GALNT17: variants seen among roughly 807,000 people sequenced by gnomAD.
GALNT17 encodes polypeptide N-acetylgalactosaminyltransferase 17.
GALNT17 carries 29 observed loss-of-function variants against 63.7 expected under a neutral mutation model. The observed-to-expected ratio is 0.46, with a 90% confidence interval of 0.34 to 0.62. The LOEUF (loss-of-function observed/expected upper bound fraction) is 0.62. Ranked by LOEUF, GALNT17 falls within the 20% of genes least tolerant of loss-of-function variation. The pLI, the probability that GALNT17 is intolerant of heterozygous loss-of-function variation, is 0.01. For missense variants in GALNT17, 603 were observed against 799.6 expected (o/e 0.75, Z 2.97); for synonymous variants, 305 against 318.3 (o/e 0.96, Z 0.45).
chr7:71,679,783 G>A (rs1012283529), intron 9 of GALNT17, among the ~76,000 whole-genome samples: 5 of 151,946 alleles, frequency 3.3e-5, no homozygotes, highest in African/African-American at 9.7e-5. Context: ...CCAAGGCTGC[G>A]ACAACACCAG....
At chr7:71,220,991 T>G (rs992072384) in intron 1 of GALNT17, among the ~76,000 whole-genome samples, 1 of 152,194 alleles carries the variant, frequency 6.6e-6, no homozygotes, top group Non-Finnish European at 1.5e-5. Context: ...GAGAGGAAAC[T>G]TCTAGTATTC....
chr7:71,426,921 C>T (rs759743983), intron 5 of GALNT17, among the ~76,000 whole-genome samples: 21 of 150,244 alleles, frequency 1.4e-4, no homozygotes, highest in Non-Finnish European at 2.2e-4. Flanking sequence ...CTCCAGACTC[C>T]GTCTCAAAAA....
intron 5 of GALNT17, among the ~76,000 whole-genome samples, chr7:71,469,026 G>A (rs572687403): frequency 4.6e-5 from 7 of 152,200 alleles, no homozygotes; most frequent in African/African-American, 9.6e-5. Flanking sequence ...AGTGACATGC[G>A]TGCTCTGATG....
chr7:71,644,228 A>C (rs10281339), intron 6 of GALNT17, among the ~76,000 whole-genome samples: 111,133 of 151,318 alleles, frequency 0.73, 40,943 homozygotes, highest in Middle Eastern at 0.85. Flanking sequence ...ATAGTGACAT[A>C]CCGATTCCAC....
At chr7:71,410,844 T>C (rs2906264) in intron 3 of GALNT17, among the ~76,000 whole-genome samples, 369 of 152,252 alleles carry the variant, frequency 2.4e-3, no homozygotes, top group African/African-American at 8.5e-3. Context: ...CAGTGTTCGC[T>C]TCTCCCCCTC....
chr7:71,675,990 A>C (rs1791144630), intron 8 of GALNT17, among the ~76,000 whole-genome samples: 1 of 152,126 alleles, frequency 6.6e-6, no homozygotes, highest in Non-Finnish European at 1.5e-5. Flanking sequence ...CTCTGTCCCA[A>C]AAAAAGAAAA....
chr7:71,522,696 A>G (rs1206599957), intron 5 of GALNT17, among the ~76,000 whole-genome samples: 1 of 152,124 alleles, frequency 6.6e-6, no homozygotes, highest in Non-Finnish European at 1.5e-5. Flanking sequence ...ATCACAGACC[A>G]CATCCACCAG....
intron 3 of GALNT17, among the ~76,000 whole-genome samples, chr7:71,406,524 AAACCCCCTAGGTTGC>A (rs1793331219): frequency 6.6e-6 from 1 of 152,168 alleles, no homozygotes; most frequent in Non-Finnish European, 1.5e-5. Context: ...GACAGATAAG[AAACCCCCTAGGTTGC>A]ATGAGCAGAA....
chr7:71,263,228 G>A (rs954957930), intron 1 of GALNT17, among the ~76,000 whole-genome samples: 17 of 151,914 alleles, frequency 1.1e-4, no homozygotes, highest in East Asian at 2.0e-4. Context: ...GTGTGGTGGC[G>A]GGTGCCTGTA....
chr7:71,257,028 G>T (rs1790302148), intron 1 of GALNT17, among the ~76,000 whole-genome samples: 1 of 152,124 alleles, frequency 6.6e-6, no homozygotes, highest in Non-Finnish European at 1.5e-5. Context: ...ATTCCTGCTG[G>T]GTGGCTGAGC....
At chr7:71,678,794 CA>C (rs71089973) in intron 9 of GALNT17, among the ~76,000 whole-genome samples, 131,193 of 136,178 alleles carry the variant, frequency 0.96, 63,220 homozygotes, top group Non-Finnish European at 0.99. Flanking sequence ...GACTCTGTCT[CA>C]AAAAAAAAAA....
At chr7:71,526,674 C>T (rs999578994) in intron 5 of GALNT17, among the ~76,000 whole-genome samples, 7 of 151,492 alleles carry the variant, frequency 4.6e-5, no homozygotes, top group African/African-American at 1.7e-4. Flanking sequence ...CATGTGCCCC[C>T]ACGCCTGACT....
Position 71,454,621 on chromosome 7 carries a change from G to T in GALNT17, c.962+33516G>T, listed in dbSNP as rs138228510. 2.5e-4 allele frequency among the ~76,000 whole-genome samples: 38 copies of T among 152,304 alleles called. 1 individual carries two copies. In the East Asian group the frequency reaches 7.2e-3, roughly 29 times the overall value. ...CAAAGGTAACAAGAATTTATGCTGA[G>T]TGGGGTGGCTAAATGTATGTATTTA... On this transcript the variant is annotated intron_variant, in intron 5 of 10. Transcript: ENST00000333538.
chr7:71,542,523 T>C (rs1367897714), intron 5 of GALNT17, among the ~76,000 whole-genome samples: 1 of 151,744 alleles, frequency 6.6e-6, no homozygotes, highest in African/African-American at 2.4e-5. Context: ...GGTGAAACCC[T>C]GTCTCTACTA....
intron 4 of GALNT17, among the ~76,000 whole-genome samples, chr7:71,417,425 C>T (rs1218169362): frequency 1.3e-5 from 2 of 152,118 alleles, no homozygotes; most frequent in Non-Finnish European, 2.9e-5. Flanking sequence ...CCTGGTGACA[C>T]CCAGCTGCAT....
chr7:71,349,756 G>A (rs1438366699), intron 2 of GALNT17, among the ~76,000 whole-genome samples: 1 of 152,194 alleles, frequency 6.6e-6, no homozygotes, highest in Non-Finnish European at 1.5e-5. Context: ...TCCATGGGCA[G>A]CCCTTTGCTG....
intron 4 of GALNT17, among the ~76,000 whole-genome samples, chr7:71,418,281 CT>C (rs961360602): frequency 3.9e-5 from 6 of 152,226 alleles, no homozygotes; most frequent in Non-Finnish European, 7.3e-5. Context: ...ATTTTCCACA[CT>C]TCTACCCGGG....
chr7:71,702,512 C>T (rs374470610), intron 9 of GALNT17, among the ~76,000 whole-genome samples: 1 of 152,114 alleles, frequency 6.6e-6, no homozygotes, highest in African/African-American at 2.4e-5. Flanking sequence ...CAAGACCCAT[C>T]GCAAGGATCT....
chr7:71,317,356 T>A (rs918987354), intron 1 of GALNT17, among the ~76,000 whole-genome samples: 1 of 152,152 alleles, frequency 6.6e-6, no homozygotes, highest in African/African-American at 2.4e-5. Flanking sequence ...ACAGGCAGAA[T>A]TAGGACCAAT....
Sources: allele counts gnomAD v4.1 joint callset (sites outside exome capture counted in the v4.1 genomes callset), GRCh38; gene constraint gnomAD v4.1.1; transcripts MANE v1.5; gene names NCBI Gene and HGNC (gene_info 2026-07-23, HGNC 2026-07-21).